The following PLEKHM3 variants were observed in gnomAD, a reference collection of about 807,000 sequenced individuals.
The protein encoded by PLEKHM3 is pleckstrin homology domain-containing family M member 3.
A neutral mutation model predicts 81.8 loss-of-function variants in PLEKHM3; 45 were observed. The ratio of observed to expected loss-of-function variants is 0.55; its 90% CI spans 0.43 to 0.71. The LOEUF (loss-of-function observed/expected upper bound fraction) is 0.71. PLEKHM3 is among the 30% of genes least tolerant of loss of function. The probability of loss-of-function intolerance (pLI) is 0.00; values close to 1 mark genes in which losing one functional copy is unlikely to be tolerated. For missense variants in PLEKHM3, 788 were observed against 924.3 expected (o/e 0.85, Z 1.91); for synonymous variants, 352 against 356.4 (o/e 0.99, Z 0.14).
chr2:207,904,304 C>T (rs1353741777), intron 6 of PLEKHM3, among the ~76,000 whole-genome samples: 1 of 152,094 alleles, frequency 6.6e-6, no homozygotes, highest in Non-Finnish European at 1.5e-5. Flanking sequence ...ATTCTAAACA[C>T]AAGAAATGAG....
chr2:207,957,792 C>T (rs770750650), intron 3 of PLEKHM3, among the ~76,000 whole-genome samples: 40 of 152,240 alleles, frequency 2.6e-4, no homozygotes, highest in Non-Finnish European at 4.6e-4. Flanking sequence ...TGAGAAAAAG[C>T]TAGATGAAGA....
chr2:207,942,334 C>G (rs1280180420), intron 4 of PLEKHM3, among the ~76,000 whole-genome samples: 1 of 151,932 alleles, frequency 6.6e-6, no homozygotes, highest in Non-Finnish European at 1.5e-5. Flanking sequence ...ATGGTGAAAC[C>G]CTGACTCTTT....
At chr2:207,930,614 T>A (rs1019101630) in intron 5 of PLEKHM3, among the ~76,000 whole-genome samples, 3 of 152,138 alleles carry the variant, frequency 2.0e-5, no homozygotes, top group Non-Finnish European at 2.9e-5. Flanking sequence ...TATAGATATT[T>A]CCATGATTAT....
At chr2:208,025,036 A>G (rs1433616500) in intron 1 of PLEKHM3, among the ~76,000 whole-genome samples, 1 of 152,226 alleles carries the variant, frequency 6.6e-6, no homozygotes, top group Non-Finnish European at 1.5e-5. Context: ...TGGAAGCCCC[A>G]GCCTGATGTA....
chr2:207,912,730 AG>A (rs1243123384), intron 5 of PLEKHM3, among the ~76,000 whole-genome samples: 1 of 152,238 alleles, frequency 6.6e-6, no homozygotes, highest in African/African-American at 2.4e-5. Flanking sequence ...AAATAAAATA[AG>A]AAAAAGATTT....
intron 6 of PLEKHM3, 126 bp from the exon 7 acceptor site, chr2:207,861,388 A>C (rs753974349): frequency 8.8e-5 from 95 of 1,075,684 alleles, no homozygotes; most frequent in Non-Finnish European, 1.2e-4. Context: ...TTTCTCAGCA[A>C]CTCTGAGGAA....
At chr2:207,959,033 T>C (rs1442718225) in intron 3 of PLEKHM3, among the ~76,000 whole-genome samples, 1 of 152,202 alleles carries the variant, frequency 6.6e-6, no homozygotes, top group Non-Finnish European at 1.5e-5. Context: ...TCTAATCCTG[T>C]CTCTAGTTAA....
intron 4 of PLEKHM3, among the ~76,000 whole-genome samples, chr2:207,944,843 C>T (rs1690069401): frequency 6.6e-6 from 1 of 152,176 alleles, no homozygotes; most frequent in African/African-American, 2.4e-5. Flanking sequence ...GGATAGTTTA[C>T]ACCAGCATAG....
At chr2:207,897,049 G>T (rs1404569774) in intron 6 of PLEKHM3, among the ~76,000 whole-genome samples, 1 of 152,178 alleles carries the variant, frequency 6.6e-6, no homozygotes, top group African/African-American at 2.4e-5. Context: ...AGAGTTCCTT[G>T]GCTCAAGAGG....
At chr2:207,905,166 C>A (rs1034162440) in intron 6 of PLEKHM3, among the ~76,000 whole-genome samples, 4 of 152,176 alleles carry the variant, frequency 2.6e-5, no homozygotes, top group African/African-American at 9.7e-5. Context: ...ATTTATAACT[C>A]TTGAGTCACT....
chr2:207,858,017 A>ATTTCAT (rs2105806140), intron 7 of PLEKHM3, among the ~76,000 whole-genome samples: 1 of 151,246 alleles, frequency 6.6e-6, no homozygotes, highest in African/African-American at 2.4e-5. Context: ...TATATTTTAT[A>ATTTCAT]TTTCATTTTC....
At chr2:207,859,528 T>A (rs2092455920) in intron 7 of PLEKHM3, among the ~76,000 whole-genome samples, 1 of 152,166 alleles carries the variant, frequency 6.6e-6, no homozygotes, top group African/African-American at 2.4e-5. Flanking sequence ...GACAATTAAG[T>A]TGTTTCTACT....
chr2:207,843,196 T>C lies in PLEKHM3; in HGVS notation c.2109-14700A>G, dbSNP rs2092364064. On this transcript the variant is annotated intron_variant, in intron 7 of 7. Coordinates refer to ENST00000427836, the MANE Select transcript of PLEKHM3 (RefSeq NM_001080475.3). The surrounding 1 kb of genome is among the most constrained non-coding windows in gnomAD (Gnocchi z 4.4). The stretch of plus-strand genomic sequence containing the variant: ...AACTCCTAGGCTCAAGTGATCTGCC[T>C]GTCTCAGCCTCCCAAAGTGTTGGCC... Among the ~76,000 whole-genome samples, 1 of 152,172 alleles carries C rather than the reference T, an allele frequency of 6.6e-6. No individual in the cohort carries two copies. The highest frequency in any genetic ancestry group is 2.1e-4 in the South Asian group (1 of 4,824).
At chr2:207,883,361 G>A (rs1195975191) in intron 6 of PLEKHM3, among the ~76,000 whole-genome samples, 1 of 152,184 alleles carries the variant, frequency 6.6e-6, no homozygotes. Context: ...TGCCATTAGA[G>A]TTAGATTAAG....
Position 207,977,411 on chromosome 2 carries a change from G to A in PLEKHM3, c.786C>T (p.Phe262=). ...NLYATYQLSH[F]QSISVLGNLE... is the part of the protein sequence containing the mutation. ...GGTTGCCTAAAACAGATATGCTCTG[G>A]AAGTGTGAAAGCTGGTACGTGGCAT... The change falls in exon 3 of 8, where the codon TTC becomes TTT. Residue 262 remains phenylalanine, a synonymous_variant. Coordinates refer to ENST00000427836, the MANE Select transcript of PLEKHM3 (RefSeq NM_001080475.3). 1 of 1,614,198 alleles carries A rather than the reference G, an allele frequency of 6.2e-7. No homozygotes were observed.
intron 3 of PLEKHM3, among the ~76,000 whole-genome samples, chr2:207,973,206 C>T (rs1471476343): frequency 6.6e-6 from 1 of 152,174 alleles, no homozygotes; most frequent in Non-Finnish European, 1.5e-5. Flanking sequence ...TATGAGGATG[C>T]AAAGTTAGAA....
At chr2:207,833,252 A>C (rs1322819736) in intron 7 of PLEKHM3, among the ~76,000 whole-genome samples, 1 of 152,202 alleles carries the variant, frequency 6.6e-6, no homozygotes, top group African/African-American at 2.4e-5. Flanking sequence ...CAATGTAATC[A>C]TCTCTGCTGA....
intron 5 of PLEKHM3, among the ~76,000 whole-genome samples, chr2:207,909,135 AC>A (rs1688727623): frequency 6.6e-6 from 1 of 152,210 alleles, no homozygotes; most frequent in African/African-American, 2.4e-5. Flanking sequence ...TCTCATATGT[AC>A]AGTGATGGCA....
At chr2:207,978,727 C>G (rs1420968886) in intron 2 of PLEKHM3, among the ~76,000 whole-genome samples, 3 of 152,208 alleles carry the variant, frequency 2.0e-5, no homozygotes, top group Admixed American at 2.0e-4. Flanking sequence ...CAATCAGCAA[C>G]TGCACACTTA....
Sources: gnomAD v4.1 joint callset for allele counts (sites outside exome capture counted in the v4.1 genomes callset) on GRCh38, gnomAD v4.1.1 for gene constraint, Gnocchi (gnomAD v3.1) non-coding constraint, MANE v1.5 for transcripts, NCBI Gene and HGNC (gene_info 2026-07-23, HGNC 2026-07-21) for gene names.